Variants in CPNE1 observed in about 807,000 individuals in gnomAD.
CPNE1 encodes copine-1.
Under a neutral mutation model 63.2 loss-of-function variants are expected in CPNE1, and 58 were observed. That is an observed-to-expected ratio of 0.92 (90% CI 0.74 to 1.14). CPNE1 has a LOEUF of 1.14. Ranked by LOEUF, CPNE1 falls within the 50% of genes most tolerant of loss-of-function variation. The pLI is 0.00. For missense variants in CPNE1, 672 were observed against 661.7 expected (o/e 1.02, Z -0.17); for synonymous variants, 237 against 249.0 (o/e 0.95, Z 0.45).
At chr20:35,664,719 C>G (rs1243373360) in intron 1 of CPNE1, 41 bp downstream of exon 1, 1 of 152,318 alleles carries the variant, frequency 6.6e-6, no homozygotes, top group African/African-American at 2.4e-5. Flanking sequence ...CACCACGAGC[C>G]CCGCACAGCC....
intron 1 of CPNE1, among the ~76,000 whole-genome samples, chr20:35,644,631 C>T (rs533475429): frequency 3.3e-5 from 5 of 151,946 alleles, no homozygotes; most frequent in East Asian, 3.9e-4. Context: ...AACCACGAAC[C>T]GATTCTGAGA....
intron 13 of CPNE1, chr20:35,627,630 C>T (rs1378770065): frequency 6.5e-6 from 3 of 459,656 alleles, no homozygotes; most frequent in Non-Finnish European, 1.2e-5. Context: ...TGAATTAGCA[C>T]CCAGATGAGA....
In CPNE1 at chr20:35,631,504, C is replaced by T; in HGVS notation, c.702G>A (p.Leu234=). 1 of 1,614,012 alleles carries T rather than the reference C, an allele frequency of 6.2e-7. No homozygotes were observed. Among genetic ancestry groups the T allele is most frequent in the Non-Finnish European group, 8.5e-7 (1 of 1,179,942 alleles). The change falls in exon 8 of 16, where the codon CTG becomes CTA. Residue 234 remains leucine (L), a synonymous_variant. Coordinates refer to ENST00000397443, the MANE Select transcript of CPNE1 (RefSeq NM_152925.3). The stretch of plus-strand genomic sequence containing the variant: ...GACCAGCACTCACCGGGACTGCCTG[C>T]AGCTGGGCCAAGCTGGTGTGGAAGG... ...IGTFHTSLAQ[L]QAVPAEFECI...
At chr20:35,661,149 G>C (rs1289243168) in intron 1 of CPNE1, among the ~76,000 whole-genome samples, 1 of 152,196 alleles carries the variant, frequency 6.6e-6, no homozygotes, top group African/African-American at 2.4e-5. Flanking sequence ...CATGCAGAAA[G>C]TTGATGCTAC....
At position 35,632,542 on chromosome 20, in the gene CPNE1, C is replaced by G. The variant is rs762832785; in HGVS notation, c.284G>C (p.Gly95Ala). 24 of 1,613,682 alleles carry G rather than the reference C, an allele frequency of 1.5e-5. No homozygotes were observed. Among genetic ancestry groups the G allele is most frequent in the African/African-American group, 5.3e-5 (4 of 74,890 alleles). ...CTGTCCTAGGGAACACTCAGCACCC[C>G]CTAGGAAGTCATCATCCCTCAGCTC... ...TPELRDDDFL[G>A]GAECSLGQIV... The change falls in exon 3 of 16, where the codon GGG becomes GCG. Residue 95 changes from glycine (G) to alanine (A), a missense_variant. Transcript: ENST00000397443.
At chr20:35,631,466 A>T in intron 8 of CPNE1, 26 bp downstream of exon 8, 1 of 1,611,790 alleles carries the variant, frequency 6.2e-7, no homozygotes, top group South Asian at 1.1e-5. Context: ...GCCCATTTCC[A>T]CACCCCTGGC....
intron 1 of CPNE1, among the ~76,000 whole-genome samples, chr20:35,640,929 ACC>A (rs763088154): frequency 6.6e-6 from 1 of 152,028 alleles, no homozygotes; most frequent in East Asian, 1.9e-4. Flanking sequence ...CCACCCCCTG[ACC>A]CTTCCATTTG....
At chr20:35,651,114 G>A (rs2033482930) in intron 1 of CPNE1, 1 of 152,150 alleles carries the variant, frequency 6.6e-6, no homozygotes. Flanking sequence ...AGCCTTTTAT[G>A]ACAGTGAGAA....
chr20:35,653,142 A>T, intron 1 of CPNE1: 1 of 1,613,668 alleles, frequency 6.2e-7, no homozygotes, highest in Non-Finnish European at 8.5e-7. Context: ...TTGATCCACC[A>T]AAATTACCAG....
intron 1 of CPNE1, chr20:35,653,316 A>C: frequency 6.2e-7 from 1 of 1,613,820 alleles, no homozygotes; most frequent in Non-Finnish European, 8.5e-7. Context: ...GCAGGCCTGC[A>C]CCGGGAAGTC....
chr20:35,630,457 T>G lies in CPNE1; in HGVS notation c.1084A>C (p.Ser362Arg). The change falls in exon 13 of 16, where the codon AGT (serine) becomes CGT (arginine). Residue 362 changes from serine (S) to arginine (R), a missense_variant. Physicochemically the swap from Ser to Arg is moderately radical, Grantham distance 110 (BLOSUM62 -1). Coordinates refer to ENST00000397443, the MANE Select transcript of CPNE1 (RefSeq NM_152925.3). ...AACTTACCTGCACAGTAGGGGTTAC[T>G]GGGGTTGAAATTCAAGGCAAATTCA... is the stretch of plus-strand genomic sequence containing the variant. ...SHEFALNFNP[S>R]NPYCAGIQGI... 1 of 1,614,194 alleles carries G rather than the reference T, an allele frequency of 6.2e-7. No individual in the cohort carries two copies. Among genetic ancestry groups the G allele is most frequent in the Non-Finnish European group, 8.5e-7 (1 of 1,180,022 alleles).
At chr20:35,654,553 G>C in intron 1 of CPNE1, 1 of 1,614,230 alleles carries the variant, frequency 6.2e-7, no homozygotes, top group South Asian at 1.1e-5. Flanking sequence ...ATTCATTCCA[G>C]CAGGTAGAGG....
chr20:35,645,268 G>C (rs2033040033), intron 1 of CPNE1, among the ~76,000 whole-genome samples: 2 of 152,312 alleles, frequency 1.3e-5, no homozygotes, highest in South Asian at 4.1e-4. Context: ...TTGGGACACT[G>C]GGGAGAGTTT....
At chr20:35,637,999 T>C (rs1025899164) in intron 1 of CPNE1, among the ~76,000 whole-genome samples, 8 of 152,236 alleles carry the variant, frequency 5.3e-5, no homozygotes, top group African/African-American at 1.9e-4. Flanking sequence ...GCAGTATCTA[T>C]CTATCCTACA....
In CPNE1 at chr20:35,655,625, T is replaced by C. The variant is rs2033851289; in HGVS notation, c.-1+9135A>G. On this transcript the variant is annotated intron_variant, in intron 1 of 15. Coordinates refer to ENST00000397443, the MANE Select transcript of CPNE1 (RefSeq NM_152925.3). ...AACAACTGTAGGACAGTAAAATACA[T>C]ATACATCATTCAGACCACTAATCAT... 2.0e-5 allele frequency among the ~76,000 whole-genome samples: 3 copies of C among 152,184 alleles called. No individual in the cohort carries two copies. The South Asian group carries it at 6.2e-4, about 32-fold the overall frequency.
rs1568913799 is a variant in CPNE1 at position 35,632,581 on chromosome 20, T to C, written c.245A>G (p.Asp82Gly). 3 of 1,613,772 alleles carry C rather than the reference T, an allele frequency of 1.9e-6. No homozygotes were observed. The highest frequency in any genetic ancestry group is 2.5e-6 in the Non-Finnish European group (3 of 1,179,638). ...ATCCCTCAGCTCTGGCGTCTTGTTGTCTATGTCATAGATTCCAAAGCGTAG... is the reference window on the plus strand; with the variant it reads ...ATCCCTCAGCTCTGGCGTCTTGTTGCCTATGTCATAGATTCCAAAGCGTAG... ...QKLRFGIYDI[D>G]NKTPELRDDD... is the part of the protein sequence containing the mutation. The change falls in exon 3 of 16, where the codon GAC (aspartate) becomes GGC (glycine). Residue 82 changes from aspartate to glycine, a missense_variant. Coordinates refer to ENST00000397443, the MANE Select transcript of CPNE1 (RefSeq NM_152925.3).
intron 1 of CPNE1, among the ~76,000 whole-genome samples, chr20:35,663,354 G>C (rs1428751451): frequency 6.6e-6 from 1 of 152,170 alleles, no homozygotes. Context: ...TAGTTAACAA[G>C]GTCCCAGACA....
At chr20:35,652,372 TAAACAGTC>T in intron 1 of CPNE1, 1 of 850,228 alleles carries the variant, frequency 1.2e-6, no homozygotes, top group South Asian at 1.8e-5. Flanking sequence ...GAGTCTTCTG[TAAACAGTC>T]AACCAATGCT....
At chr20:35,634,531 T>C (rs2032372151) in intron 1 of CPNE1, among the ~76,000 whole-genome samples, 1 of 150,100 alleles carries the variant, frequency 6.7e-6, no homozygotes, top group Admixed American at 6.7e-5. Flanking sequence ...CGGGTGGAGG[T>C]TGAAGTAAGC....
Sources: allele counts gnomAD v4.1 joint callset (sites outside exome capture counted in the v4.1 genomes callset), GRCh38; gene constraint gnomAD v4.1.1; transcripts MANE v1.5; gene names NCBI Gene and HGNC (gene_info 2026-07-23, HGNC 2026-07-21).